ROBO2: variants seen among roughly 807,000 people sequenced by gnomAD.
ROBO2 encodes the protein roundabout homolog 2.
Under a neutral mutation model 160.8 loss-of-function variants are expected in ROBO2, and 53 were observed. The ratio of observed to expected loss-of-function variants is 0.33; its 90% CI spans 0.26 to 0.41. The LOEUF (loss-of-function observed/expected upper bound fraction) is 0.41, where lower values mean the gene tolerates loss of function less well. Ranked by LOEUF, ROBO2 falls within the 10% of genes least tolerant of loss-of-function variation. The probability of loss-of-function intolerance (pLI) is 1.00; values close to 1 mark genes in which losing one functional copy is unlikely to be tolerated. For missense variants in ROBO2, 1,577 were observed against 1,722.4 expected (o/e 0.92, Z 1.49); for synonymous variants, 664 against 611.7 (o/e 1.09, Z -1.26).
chr3:76,930,541 C>T (rs2077270858), intron 2 of ROBO2, among the ~76,000 whole-genome samples: 5 of 152,262 alleles, frequency 3.3e-5, no homozygotes, highest in South Asian at 4.1e-4. Flanking sequence ...GCAGGGTTCT[C>T]CTGCAAAACA....
Position 77,558,134 on chromosome 3 carries a change from G to A in ROBO2, c.1422G>A (p.Gln474=), listed in dbSNP as rs1316651009. 4 of 1,612,850 alleles carry A rather than the reference G, an allele frequency of 2.5e-6. No individual in the cohort carries two copies. Among genetic ancestry groups the A allele is most frequent in the Non-Finnish European group, 8.5e-7 (1 of 1,179,088 alleles). The change falls in exon 9 of 26, where the codon CAG becomes CAA. Residue 474 remains glutamine (Q), a synonymous_variant. Transcript: ENST00000461745. The stretch of plus-strand genomic sequence containing the variant: ...CAATTCAAGAGCAAGGCACACTGCA[G>A]ATTAAGAATTTACGGGTAAGTAATA...
At chr3:76,425,324 T>C (rs910267828) in intron 2 of ROBO2, among the ~76,000 whole-genome samples, 10 of 152,116 alleles carry the variant, frequency 6.6e-5, no homozygotes, top group African/African-American at 2.4e-4. Flanking sequence ...TTATTCATCG[T>C]GTATCTGAAA....
chr3:77,198,687 G>C (rs2082533693), intron 2 of ROBO2, among the ~76,000 whole-genome samples: 1 of 152,150 alleles, frequency 6.6e-6, no homozygotes. Context: ...GATCATCTGA[G>C]GTCAGGAATT....
chr3:76,711,995 C>G (rs1044896944), intron 2 of ROBO2, among the ~76,000 whole-genome samples: 34 of 152,102 alleles, frequency 2.2e-4, no homozygotes, highest in African/African-American at 7.7e-4. Context: ...ATGGCAGCTT[C>G]CAGAATATAG....
chr3:77,159,065 G>A (rs2078264538), intron 2 of ROBO2, among the ~76,000 whole-genome samples: 1 of 151,998 alleles, frequency 6.6e-6, no homozygotes, highest in African/African-American at 2.4e-5. Context: ...TAGATGGAAG[G>A]CCCACCCACA....
intron 2 of ROBO2, among the ~76,000 whole-genome samples, chr3:76,047,165 T>C (rs1209854145): frequency 1.3e-5 from 2 of 151,748 alleles, no homozygotes; most frequent in Non-Finnish European, 2.9e-5. Context: ...ATACACTGTA[T>C]AATTCCTCAA....
At chr3:76,318,458 C>T (rs926540407) in intron 2 of ROBO2, among the ~76,000 whole-genome samples, 1 of 151,998 alleles carries the variant, frequency 6.6e-6, no homozygotes, top group South Asian at 2.1e-4. Flanking sequence ...TACACACATG[C>T]ATATACACAT....
Position 77,127,088 on chromosome 3 carries a change from C to T in ROBO2, c.388+28748C>T, listed in dbSNP as rs540358557. On this transcript the variant is annotated intron_variant, in intron 2 of 25. Transcript: ENST00000461745. ...ACAGGTGTGAGCCACCACGCCAGGC[C>T]GAAACTTCTTTTTTTCTTAATGAAA... Among the ~76,000 whole-genome samples, 23 of 152,032 alleles carry T rather than the reference C, an allele frequency of 1.5e-4. No homozygotes were observed. In the South Asian group the frequency reaches 2.9e-3, roughly 19 times the overall value.
intron 2 of ROBO2, among the ~76,000 whole-genome samples, chr3:77,019,705 T>A (rs1475672283): frequency 6.6e-6 from 1 of 152,220 alleles, no homozygotes; most frequent in East Asian, 1.9e-4. Context: ...TCACTTTTAG[T>A]TTAAATAATT....
At chr3:76,674,308 G>C (rs529220905) in intron 2 of ROBO2, among the ~76,000 whole-genome samples, 1 of 151,872 alleles carries the variant, frequency 6.6e-6, no homozygotes, top group South Asian at 2.1e-4. Flanking sequence ...AGAGCAACTC[G>C]TCAGATGCTG....
chr3:77,342,841 TG>T (rs2067211228), intron 2 of ROBO2, among the ~76,000 whole-genome samples: 1 of 152,170 alleles, frequency 6.6e-6, no homozygotes, highest in African/African-American at 2.4e-5. Flanking sequence ...CCTCTTATTG[TG>T]GTTTAAAGTG....
chr3:76,524,865 A>AAAAAAAAAAAAAAAAAAATAT (rs1560091318), intron 2 of ROBO2, among the ~76,000 whole-genome samples: 3 of 116,018 alleles, frequency 2.6e-5, no homozygotes, highest in South Asian at 2.7e-4. Context: ...AAAAAAAAAA[A>AAAAAAAAAAAAAAAAAAATAT]ATAAGTAAAA....
At chr3:76,584,984 G>A (rs775466899) in intron 2 of ROBO2, among the ~76,000 whole-genome samples, 1 of 152,162 alleles carries the variant, frequency 6.6e-6, no homozygotes, top group Non-Finnish European at 1.5e-5. Flanking sequence ...TCATTCAACA[G>A]CAGTTCATTC....
chr3:76,968,267 C>A (rs1020612790), intron 2 of ROBO2, among the ~76,000 whole-genome samples: 1 of 152,090 alleles, frequency 6.6e-6, no homozygotes, highest in Non-Finnish European at 1.5e-5. Context: ...TGCAGCTATA[C>A]GTTATGTTTA....
At chr3:76,788,899 A>G (rs1341553019) in intron 2 of ROBO2, among the ~76,000 whole-genome samples, 3 of 151,608 alleles carry the variant, frequency 2.0e-5, no homozygotes, top group Non-Finnish European at 4.4e-5. Context: ...CACTGATCCT[A>G]TTATAGCAAA....
intron 2 of ROBO2, among the ~76,000 whole-genome samples, chr3:76,829,589 C>CGAGA (rs1234240064): frequency 0.01 from 1,535 of 152,196 alleles, 25 homozygotes; most frequent in African/African-American, 0.035. Context: ...ACTCTTCTCC[C>CGAGA]ACCATCATCC....
At chr3:76,555,431 GGGAAGGGGAAGAGGAAGA>G (rs2083720454) in intron 2 of ROBO2, among the ~76,000 whole-genome samples, 1 of 63,868 alleles carries the variant, frequency 1.6e-5, no homozygotes, top group Non-Finnish European at 3.3e-5. Context: ...GAAGGAGAAG[GGGAAGGGGAAGAGGAAGA>G]GGAAGAGGAA....
At chr3:77,352,109 T>TAA (rs34760101) in intron 2 of ROBO2, among the ~76,000 whole-genome samples, 15 of 144,806 alleles carry the variant, frequency 1.0e-4, no homozygotes, top group East Asian at 4.1e-4. Context: ...ATAATAAAAT[T>TAA]AAAAAAAAAA....
intron 2 of ROBO2, among the ~76,000 whole-genome samples, chr3:76,225,052 C>T (rs974814095): frequency 2.6e-5 from 4 of 152,128 alleles, no homozygotes; most frequent in Non-Finnish European, 5.9e-5. Flanking sequence ...TCTTAATATA[C>T]TCATTTATAT....
Sources: gnomAD v4.1 joint callset for allele counts (sites outside exome capture counted in the v4.1 genomes callset) on GRCh38, gnomAD v4.1.1 for gene constraint, MANE v1.5 for transcripts, NCBI Gene and HGNC (gene_info 2026-07-23, HGNC 2026-07-21) for gene names.